Variants in VDAC1 observed in about 807,000 individuals in gnomAD.
VDAC1 encodes voltage dependent anion channel 1.
Under a neutral mutation model 34.7 loss-of-function variants are expected in VDAC1, and 10 were observed. The ratio of observed to expected loss-of-function variants is 0.29; its 90% confidence interval spans 0.18 to 0.49. VDAC1 has a LOEUF of 0.49. Among genes scored for constraint, VDAC1 ranks in the 20% least tolerant of loss-of-function variants. The pLI is 0.99. For missense variants in VDAC1, 230 were observed against 347.9 expected, an observed-to-expected ratio of 0.66 and a Z score of 2.69; for synonymous variants, 130 against 136.0, an observed-to-expected ratio of 0.96 and a Z score of 0.30.
chr5:134,018,030 C>A, the VDAC1 span, among the ~76,000 whole-genome samples: 1 of 152,230 alleles, frequency 6.6e-6, no homozygotes, highest in African/African-American at 2.4e-5. Flanking sequence ...CTGTGTTAGT[C>A]CGTGTTTGTG....
chr5:133,992,221 A>G, intron 3 of VDAC1, 85 bp downstream of exon 3: 1 of 1,066,624 alleles, frequency 9.4e-7, no homozygotes, highest in African/African-American at 1.7e-5. Flanking sequence ...GGGCGACAAG[A>G]GCAAAACTCC....
chr5:133,973,879 C>T, intron 7 of VDAC1, 31 bp from the exon 8 acceptor site: 1 of 1,605,296 alleles, frequency 6.2e-7, no homozygotes, highest in South Asian at 1.1e-5. Flanking sequence ...ACAGAGAAAA[C>T]ATTAAGTATA....
the VDAC1 span, among the ~76,000 whole-genome samples, chr5:134,072,269 CAG>C: frequency 6.6e-6 from 1 of 152,048 alleles, no homozygotes; most frequent in Non-Finnish European, 1.5e-5. Flanking sequence ...GTTACCCAAC[CAG>C]AGAGAGAGGG....
intron 5 of VDAC1, among the ~76,000 whole-genome samples, chr5:133,990,120 C>G (rs1336501961): frequency 6.6e-6 from 1 of 152,166 alleles, no homozygotes; most frequent in Non-Finnish European, 1.5e-5. Flanking sequence ...TGAAAAGCAC[C>G]CAGGAATTGA....
In VDAC1 at chr5:133,991,125, A is replaced by C; in HGVS notation, c.147T>G (p.Thr49=). The C allele has an allele frequency of 6.2e-7, 1 of 1,612,998 alleles. No homozygotes were observed. The highest frequency in any genetic ancestry group is 2.2e-5 in the East Asian group (1 of 44,890). Residue 49 remains threonine, a synonymous_variant, in exon 4 of 9, where the codon ACT becomes ACG. Transcript: ENST00000265333. ...LEFTSSGSAN[T]ETTKVTGSLE... ...GACTGCCCGTCACTTTGGTGGTCTCAGTGTTGGCTGAGCCTGAGCTTGTAA... is the reference window on the plus strand; with the variant it reads ...GACTGCCCGTCACTTTGGTGGTCTCCGTGTTGGCTGAGCCTGAGCTTGTAA...
At chr5:134,003,554 T>C (rs1331738692) in intron 1 of VDAC1, among the ~76,000 whole-genome samples, 1 of 152,222 alleles carries the variant, frequency 6.6e-6, no homozygotes, top group African/African-American at 2.4e-5. Flanking sequence ...CAAATGCTTG[T>C]CAATAATAGT....
At chr5:134,090,723 C>T in the VDAC1 span, among the ~76,000 whole-genome samples, 1 of 152,264 alleles carries the variant, frequency 6.6e-6, no homozygotes, top group Non-Finnish European at 1.5e-5. Context: ...ACATCCTAAA[C>T]CACCGAATGC....
chr5:134,006,748 C>CAA (rs36125439), upstream of VDAC1, among the ~76,000 whole-genome samples: 3 of 80,194 alleles, frequency 3.7e-5, no homozygotes, highest in African/African-American at 1.0e-4. Flanking sequence ...CCCCCCCCCC[C>CAA]AAAAAAAAAA....
chr5:134,079,981 G>A, the VDAC1 span, among the ~76,000 whole-genome samples: 6 of 152,234 alleles, frequency 3.9e-5, no homozygotes, highest in Admixed American at 1.3e-4. Context: ...CCCCAAAGGC[G>A]GCCTGCGGTG....
Position 133,972,776 on chromosome 5 carries a change from C to T in VDAC1, c.847G>A (p.Ala283Thr), listed in dbSNP as rs777391150. The change falls in exon 9 of 9, where the codon GCA becomes ACA. Residue 283 changes from alanine to threonine, a missense_variant. By Grantham distance (58) the Ala-to-Thr change is moderately conservative (BLOSUM62 0). Coordinates refer to ENST00000265333, the MANE Select transcript of VDAC1 (RefSeq NM_003374.3). The stretch of plus-strand genomic sequence containing the variant: ...AACAATTGTACAGTATTCATTTATG[C>T]TTGAAATTCCAGTCCTAGACCAAGC... Reference protein sequence around the residue: ...HKLGLGLEFQA With the variant: ...HKLGLGLEFQT 6.3e-7 allele frequency: 1 copy of T among 1,589,834 alleles called. No homozygotes were observed. The highest frequency in any genetic ancestry group is 1.1e-5 in the South Asian group (1 of 90,438).
the VDAC1 span, among the ~76,000 whole-genome samples, chr5:134,031,248 T>C: frequency 1.7e-4 from 26 of 152,144 alleles, no homozygotes; most frequent in African/African-American, 5.3e-4. Flanking sequence ...CTTTCATATA[T>C]GGGAAAATGA....
At chr5:134,005,559 T>C (rs1049883833), upstream of VDAC1, 4 of 152,102 alleles carry the variant, frequency 2.6e-5, no homozygotes, top group African/African-American at 9.7e-5. Context: ...AAACGTGGAT[T>C]GGGTTTTGCG....
chr5:133,986,376 T>C (rs905067943), intron 5 of VDAC1, among the ~76,000 whole-genome samples: 1 of 152,102 alleles, frequency 6.6e-6, no homozygotes, highest in African/African-American at 2.4e-5. Context: ...TAGCATTATG[T>C]ACATCTAGCA....
chr5:134,087,590 C>A, the VDAC1 span, among the ~76,000 whole-genome samples: 1 of 152,260 alleles, frequency 6.6e-6, no homozygotes, highest in South Asian at 2.1e-4. Context: ...CATGGTGGCT[C>A]ACGCCTGTAA....
intron 6 of VDAC1, among the ~76,000 whole-genome samples, chr5:133,980,353 C>T (rs1295918277): frequency 2.0e-5 from 3 of 152,166 alleles, no homozygotes; most frequent in Non-Finnish European, 4.4e-5. Context: ...TGTCATCAAG[C>T]CCAGCAGGCT....
chr5:134,085,347 C>T, the VDAC1 span, among the ~76,000 whole-genome samples: 5 of 152,116 alleles, frequency 3.3e-5, no homozygotes, highest in East Asian at 1.9e-4. Flanking sequence ...GGATTACAGG[C>T]GTGAGCCACC....
the VDAC1 span, among the ~76,000 whole-genome samples, chr5:134,087,340 C>A: frequency 6.6e-6 from 1 of 151,698 alleles, no homozygotes; most frequent in Non-Finnish European, 1.5e-5. Context: ...CTGAAAGGTC[C>A]GGGGAAGAGC....
At chr5:133,999,975 C>G (rs1364444197) in intron 1 of VDAC1, among the ~76,000 whole-genome samples, 1 of 152,080 alleles carries the variant, frequency 6.6e-6, no homozygotes, top group Non-Finnish European at 1.5e-5. Flanking sequence ...GGTATCAGAC[C>G]AGCCAGTGAT....
chr5:134,038,666 T>C, the VDAC1 span, among the ~76,000 whole-genome samples: 2 of 152,238 alleles, frequency 1.3e-5, no homozygotes, highest in South Asian at 4.1e-4. Context: ...AAGTCTTTTG[T>C]CTTTGCCTGG....
Sources: gnomAD v4.1 joint callset for allele counts (sites outside exome capture counted in the v4.1 genomes callset) on GRCh38, gnomAD v4.1.1 for gene constraint, MANE v1.5 for transcripts, NCBI Gene and HGNC (gene_info 2026-07-23, HGNC 2026-07-21) for gene names.